The following TCN1 variants were observed in gnomAD, a reference collection of about 807,000 sequenced individuals.
TCN1 encodes the protein transcobalamin 1.
Under a neutral mutation model 46.3 loss-of-function variants are expected in TCN1, and 47 were observed. The observed-to-expected ratio is 1.01, with a 90% CI of 0.80 to 1.29. The LOEUF (loss-of-function observed/expected upper bound fraction) is 1.29, where lower values mean the gene tolerates loss of function less well. TCN1 is among the 50% of genes most tolerant of loss of function. The pLI, the probability that TCN1 is intolerant of heterozygous loss-of-function variation, is 0.00. For synonymous variants in TCN1, 183 were observed against 192.5 expected (o/e 0.95, Z 0.41); for missense variants, 532 against 511.0 (o/e 1.04, Z -0.40).
At chr11:59,853,484 T>C (rs962212889) in intron 7 of TCN1, among the ~76,000 whole-genome samples, 163 bp from the exon 8 acceptor site, 6 of 152,214 alleles carry the variant, frequency 3.9e-5, no homozygotes, top group Non-Finnish European at 8.8e-5. Flanking sequence ...AGATATGAGC[T>C]GGGGATCAGG....
Position 59,853,043 on chromosome 11 carries a change from A to T in TCN1, c.1241-7T>A, listed in dbSNP as rs372679225. On this transcript the variant is annotated splice_polypyrimidine_tract_variant and splice_region_variant and intron_variant, in intron 8 of 8. Coordinates refer to ENST00000257264, the MANE Select transcript of TCN1 (RefSeq NM_001062.4). ...ACAACGTAACTACCAGCTCCTGAAA[A>T]GGAAGAAGAAAGAGAACTGGGTCAA... The T allele has an allele frequency of 2.3e-5, 37 of 1,614,026 alleles. No individual in the cohort carries two copies. In the African/African-American group the frequency reaches 2.5e-4, roughly 11 times the overall value.
At chr11:59,858,570 A>T (rs1850832104) in intron 5 of TCN1, among the ~76,000 whole-genome samples, 1 of 152,204 alleles carries the variant, frequency 6.6e-6, no homozygotes, top group Non-Finnish European at 1.5e-5. Context: ...GCTGAAGATG[A>T]GAAGAGTACA....
At chr11:59,859,566 G>A (rs184734466) in intron 4 of TCN1, among the ~76,000 whole-genome samples, 12 of 152,322 alleles carry the variant, frequency 7.9e-5, no homozygotes, top group African/African-American at 2.2e-4. Flanking sequence ...TAAGGGAGAT[G>A]CACCTCACTA....
At chr11:59,860,896 T>G (rs968024732) in intron 4 of TCN1, among the ~76,000 whole-genome samples, 1 of 152,208 alleles carries the variant, frequency 6.6e-6, no homozygotes, top group Non-Finnish European at 1.5e-5. Flanking sequence ...TGCTTTGAAC[T>G]TCAATTTGAA....
chr11:59,860,875 A>G (rs1853008485), intron 4 of TCN1, among the ~76,000 whole-genome samples: 1 of 152,238 alleles, frequency 6.6e-6, no homozygotes, highest in Admixed American at 6.5e-5. Context: ...CAGAAATACT[A>G]CATGGTGATT....
intron 5 of TCN1, 101 bp downstream of exon 5, chr11:59,858,976 C>T: frequency 7.3e-7 from 1 of 1,374,964 alleles, no homozygotes; most frequent in Non-Finnish European, 1.0e-6. Context: ...GCAACTCCAG[C>T]CTGGGCAACA....
At chr11:59,855,726 TG>T (rs1852923616) in intron 6 of TCN1, 142 bp downstream of exon 6, 2 of 887,436 alleles carry the variant, frequency 2.3e-6, no homozygotes, top group Non-Finnish European at 3.6e-6. Flanking sequence ...CCTGGTAACA[TG>T]AGGAAAACTG....
Position 59,861,606 on chromosome 11 carries a change from C to G in TCN1, c.477G>C (p.Gly159=). ...LDVLALCLFN[G]NYSTAEVVNH... Reference sequence around the variant, plus strand: ...TGACAACTTCGGCGGTTGAGTAGTTCCCATTGAACAGACACAAGGCCAAAA... The same window carrying G: ...TGACAACTTCGGCGGTTGAGTAGTTGCCATTGAACAGACACAAGGCCAAAA... Residue 159 remains glycine, a synonymous_variant, in exon 4 of 9, where the codon GGG becomes GGC. Transcript: ENST00000257264. 1 of 1,614,062 alleles carries G rather than the reference C, an allele frequency of 6.2e-7. No homozygotes were observed. The highest frequency in any genetic ancestry group is 2.2e-5 in the East Asian group (1 of 44,874).
chr11:59,856,169 T>A lies in TCN1; in HGVS notation c.748-111A>T, dbSNP rs1590865366. ...CCTTATCTATAACTATATATGTAAC[T>A]AATTCAGTATTAATTGAACATTGAC... On this transcript the variant is annotated intron_variant, in intron 5 of 8. Coordinates refer to ENST00000257264, the MANE Select transcript of TCN1 (RefSeq NM_001062.4). 11 of 817,214 alleles carry A rather than the reference T, an allele frequency of 1.3e-5. No homozygotes were observed. In the East Asian group the frequency reaches 2.8e-4, roughly 21 times the overall value. The allele number at this position is 817,214 out of a possible 1,614,324, so 50.6% of individuals were successfully genotyped here.
At chr11:59,858,959 C>A in intron 5 of TCN1, 118 bp downstream of exon 5, 2 of 1,189,854 alleles carry the variant, frequency 1.7e-6, no homozygotes, top group Admixed American at 3.5e-5. Context: ...GCTGAGCTCG[C>A]ACCATTGCAA....
At position 59,852,987 on chromosome 11, in the gene TCN1, C is replaced by G. The variant is rs750257708; in HGVS notation, c.1290G>C (p.Trp430Cys). 6.2e-7 allele frequency: 1 copy of G among 1,614,084 alleles called. No homozygotes were observed. The highest frequency in any genetic ancestry group is 8.5e-7 in the Non-Finnish European group (1 of 1,180,012). Reference protein sequence around the residue: ...VRNGENLEVRWSKY With the variant: ...VRNGENLEVRCSKY Reference sequence around the variant, plus strand: ...AAGTTTGGGCTTATTAGTATTTGCTCCAGCGAACCTCCAAGTTTTCTCCAT... The same window carrying G: ...AAGTTTGGGCTTATTAGTATTTGCTGCAGCGAACCTCCAAGTTTTCTCCAT... Residue 430 changes from tryptophan (W) to cysteine (C), a missense_variant, in exon 9 of 9, where the codon TGG becomes TGC. Trp to Cys is a radical substitution (Grantham distance 215). Transcript: ENST00000257264.
At position 59,864,010 on chromosome 11, in the gene TCN1, G is replaced by T. The variant is rs1340781589; in HGVS notation, c.156C>A (p.Thr52=). Residue 52 remains threonine, a synonymous_variant, in exon 2 of 9, where the codon ACC becomes ACA. Coordinates refer to ENST00000257264, the MANE Select transcript of TCN1 (RefSeq NM_001062.4). Reference sequence around the variant, plus strand: ...GGGACAACACAACATTGACAGCGCTGGTTCCCCTGTTATAGTTTGACTGGA... The same window carrying T: ...GGGACAACACAACATTGACAGCGCTTGTTCCCCTGTTATAGTTTGACTGGA... ...TMIQSNYNRG[T]SAVNVVLSLK... The T allele has an allele frequency of 3.1e-6, 5 of 1,613,836 alleles. No individual in the cohort carries two copies. The highest frequency in any genetic ancestry group is 3.4e-6 in the Non-Finnish European group (4 of 1,179,856).
rs779942211 is a variant in TCN1, at chr11:59,862,644, A to AT, written c.337dup (p.Ile113AsnfsTer3). ...CTTGTCGATCAGGTGGTAATCATAT[A>AT]TTAAGTTTTCCTCAGCGTTACGACA... On this transcript the variant is annotated frameshift_variant, in exon 3 of 9. Transcript: ENST00000257264. LOFTEE classifies it high-confidence loss of function. 6.2e-7 allele frequency: 1 copy of AT among 1,613,814 alleles called. No individual in the cohort carries two copies.
intron 5 of TCN1, 44 bp downstream of exon 5, chr11:59,859,033 G>A: frequency 6.3e-7 from 1 of 1,594,032 alleles, no homozygotes. Context: ...CTTTCTTCCA[G>A]AGAAGACTCC....
intron 3 of TCN1, 47 bp from the exon 4 acceptor site, chr11:59,861,729 G>C: frequency 6.3e-7 from 1 of 1,591,674 alleles, no homozygotes; most frequent in Non-Finnish European, 8.6e-7. Context: ...AGTGGTAATG[G>C]CGTATGCATT....
In TCN1 at chr11:59,854,669, C is replaced by A; in HGVS notation, c.1104G>T (p.Met368Ile). 2 of 1,613,862 alleles carry A rather than the reference C, an allele frequency of 1.2e-6. No homozygotes were observed. Among genetic ancestry groups the A allele is most frequent in the South Asian group, 1.1e-5 (1 of 91,044 alleles). ...FLSVMEKAQK[M>I]NDTIFGFTME... ...AGACCTACCCAAATATAGTATCATTCATTTTCTGGGCTTTCTCCATCACAC... is the reference window on the plus strand; with the variant it reads ...AGACCTACCCAAATATAGTATCATTAATTTTCTGGGCTTTCTCCATCACAC... The change falls in exon 7 of 9, where the codon ATG (methionine) becomes ATT (isoleucine). Residue 368 changes from methionine (M) to isoleucine (I), a missense_variant. Met to Ile is a conservative substitution (Grantham distance 10). Coordinates refer to ENST00000257264, the MANE Select transcript of TCN1 (RefSeq NM_001062.4).
At chr11:59,859,042 C>G (rs1852985482) in intron 5 of TCN1, 35 bp downstream of exon 5, 2 of 1,597,328 alleles carry the variant, frequency 1.3e-6, no homozygotes, top group Non-Finnish European at 1.7e-6. Context: ...AGAGAAGACT[C>G]CCTTCTCTGC....
At chr11:59,864,356 G>A (rs970181366) in intron 1 of TCN1, among the ~76,000 whole-genome samples, 24 of 152,208 alleles carry the variant, frequency 1.6e-4, no homozygotes, top group African/African-American at 5.8e-4. Flanking sequence ...CTCCTGCCTG[G>A]GAAATCTAGC....
At chr11:59,863,838 G>T in intron 2 of TCN1, 69 bp downstream of exon 2, 2 of 1,569,248 alleles carry the variant, frequency 1.3e-6, no homozygotes, top group Non-Finnish European at 1.7e-6. Context: ...AATTTTTTAG[G>T]ATTAGTTGCA....
Sources: gnomAD v4.1 joint callset for allele counts (sites outside exome capture counted in the v4.1 genomes callset) on GRCh38, gnomAD v4.1.1 for gene constraint, MANE v1.5 for transcripts, NCBI Gene and HGNC (gene_info 2026-07-23, HGNC 2026-07-21) for gene names.